CHCHD6: variants seen among roughly 807,000 people sequenced by gnomAD.
CHCHD6 encodes coiled-coil-helix-coiled-coil-helix domain containing 6.
In CHCHD6, 28 loss-of-function variants were observed where a neutral mutation model predicts 32.3. The observed-to-expected ratio is 0.87, with a 90% confidence interval of 0.64 to 1.19. CHCHD6 has a LOEUF of 1.19. Ranked by LOEUF, CHCHD6 falls within the 50% of genes most tolerant of loss-of-function variation. CHCHD6 has a pLI of 0.00. For synonymous variants in CHCHD6, 122 were observed against 117.5 expected, an observed-to-expected ratio of 1.04 and a Z score of -0.25; for missense variants, 333 against 307.0, an observed-to-expected ratio of 1.08 and a Z score of -0.63.
chr3:126,918,730 A>C (rs898199448), intron 6 of CHCHD6, among the ~76,000 whole-genome samples: 5 of 152,248 alleles, frequency 3.3e-5, no homozygotes, highest in Admixed American at 1.3e-4. Flanking sequence ...GGAAGCTCCA[A>C]GAAGTGAGCA....
In CHCHD6 at chr3:126,797,876, GGAA is replaced by G. The variant is rs910866030; in HGVS notation, c.412-54762_412-54760del. Among the ~76,000 whole-genome samples, 20 of 152,278 alleles carry G rather than the reference GGAA, an allele frequency of 1.3e-4. No individual in the cohort carries two copies. The East Asian group carries it at 1.4e-3, about 10-fold the overall frequency. On this transcript the variant is annotated intron_variant, in intron 4 of 7. Coordinates refer to ENST00000290913, the MANE Select transcript of CHCHD6 (RefSeq NM_032343.3). ...ATGGTGTGGTGTGTCTGCGTGAAAA[GGAA>G]GAAGAAGAGTAACAGGGCGCCTCCG... is the stretch of plus-strand genomic sequence containing the variant.
At chr3:126,923,711 C>A (rs1384553158) in intron 6 of CHCHD6, among the ~76,000 whole-genome samples, 1 of 152,250 alleles carries the variant, frequency 6.6e-6, no homozygotes, top group Non-Finnish European at 1.5e-5. Flanking sequence ...CTGAGACACA[C>A]TTCCCTTACT....
rs761931974 is a variant in CHCHD6 at position 126,957,515 on chromosome 3, C to A, written c.666C>A (p.Val222=). ...AGGTGCTGCTGTGCTCGGACCTGGT[C>A]AAGGCATACCAGCGCTGCGTGAGCG... is the stretch of plus-strand genomic sequence containing the variant. The part of the protein sequence containing the change: ...PHEVLLCSDL[V]KAYQRCVSAA... The change falls in exon 7 of 8, where the codon GTC becomes GTA. Residue 222 remains valine, a synonymous_variant. Transcript: ENST00000290913. 6.3e-7 allele frequency: 1 copy of A among 1,587,760 alleles called. No homozygotes were observed. The highest frequency in any genetic ancestry group is 8.6e-7 in the Non-Finnish European group (1 of 1,167,432).
chr3:126,714,276 AT>A (rs1282546863), intron 1 of CHCHD6, among the ~76,000 whole-genome samples: 13 of 151,940 alleles, frequency 8.6e-5, no homozygotes, highest in African/African-American at 3.1e-4. Flanking sequence ...TGCTTTATAA[AT>A]TTTATTTTTT....
At chr3:126,951,896 G>C (rs1001173742) in intron 6 of CHCHD6, among the ~76,000 whole-genome samples, 6 of 152,200 alleles carry the variant, frequency 3.9e-5, no homozygotes, top group African/African-American at 1.4e-4. Flanking sequence ...CTGAGATCTG[G>C]CCTTGCTTTT....
chr3:126,786,156 T>C (rs9881256), intron 4 of CHCHD6, among the ~76,000 whole-genome samples: 67,839 of 151,978 alleles, frequency 0.45, 16,410 homozygotes, highest in African/African-American at 0.64. Context: ...AGGACATGAA[T>C]TCATCATTTT....
intron 3 of CHCHD6, 96 bp downstream of exon 3, chr3:126,730,726 CT>C (rs1935759779): frequency 7.4e-6 from 7 of 951,226 alleles, no homozygotes; most frequent in Non-Finnish European, 1.1e-5. Flanking sequence ...GCCCTGGAGG[CT>C]TTGTCTCACA....
intron 1 of CHCHD6, 32 bp from the exon 2 acceptor site, chr3:126,727,046 C>T (rs555214847): frequency 6.6e-7 from 1 of 1,520,006 alleles, no homozygotes; most frequent in East Asian, 2.3e-5. Context: ...TGTGACATAA[C>T]TTTTTCTTTT....
At chr3:126,720,510 G>T (rs770349086) in intron 1 of CHCHD6, among the ~76,000 whole-genome samples, 2 of 152,222 alleles carry the variant, frequency 1.3e-5, no homozygotes, top group Non-Finnish European at 2.9e-5. Context: ...GGCCTGGTTT[G>T]TAGCACTGGC....
intron 4 of CHCHD6, among the ~76,000 whole-genome samples, chr3:126,799,058 T>C (rs1938937847): frequency 1.3e-5 from 2 of 152,336 alleles, no homozygotes; most frequent in South Asian, 2.1e-4. Flanking sequence ...TCCTGGACTT[T>C]TGCATTACCA....
intron 4 of CHCHD6, among the ~76,000 whole-genome samples, chr3:126,796,579 G>A (rs1938801258): frequency 1.3e-5 from 2 of 152,274 alleles, no homozygotes; most frequent in African/African-American, 2.4e-5. Context: ...ACACCATGGA[G>A]TATCAGTGTA....
intron 4 of CHCHD6, among the ~76,000 whole-genome samples, chr3:126,734,912 G>GGAA (rs1244008245): frequency 1.3e-5 from 2 of 152,194 alleles, no homozygotes; most frequent in African/African-American, 4.8e-5. Context: ...AACAGTCAAT[G>GGAA]GTTCCTGAAG....
At chr3:126,715,896 G>A (rs911602247) in intron 1 of CHCHD6, among the ~76,000 whole-genome samples, 2 of 152,142 alleles carry the variant, frequency 1.3e-5, no homozygotes, top group Admixed American at 6.5e-5. Flanking sequence ...ACGCTATTCC[G>A]TCCATTCCCT....
chr3:126,804,192 A>C (rs1939234888), intron 4 of CHCHD6, among the ~76,000 whole-genome samples: 1 of 152,216 alleles, frequency 6.6e-6, no homozygotes, highest in East Asian at 1.9e-4. Flanking sequence ...AAGCTAGCAG[A>C]AGGCAAGAAA....
intron 4 of CHCHD6, among the ~76,000 whole-genome samples, chr3:126,781,912 G>A (rs976278401): frequency 8.5e-5 from 13 of 152,146 alleles, no homozygotes; most frequent in Non-Finnish European, 1.6e-4. Context: ...GCAGTGAAGG[G>A]GAAAAGCCTC....
intron 4 of CHCHD6, among the ~76,000 whole-genome samples, chr3:126,816,862 C>G (rs1316118443): frequency 2.0e-5 from 3 of 152,264 alleles, no homozygotes; most frequent in South Asian, 2.1e-4. Context: ...TCCCTCCCCC[C>G]TCTTCCCACC....
rs149144625 is a variant in CHCHD6, at chr3:126,929,643, G to T, written c.566+14893G>T. ...TGCAGTGGCACAATCTCGGCTCACT[G>T]CATCCTCTGCCTCCTGGGTTCAAGC... On this transcript the variant is annotated intron_variant, in intron 6 of 7. Coordinates refer to ENST00000290913, the MANE Select transcript of CHCHD6 (RefSeq NM_032343.3). Among the ~76,000 whole-genome samples the T allele has an allele frequency of 9.8e-3, 1,490 of 152,036 alleles. 26 individuals carry two copies. The highest frequency in any genetic ancestry group is 0.034 in the African/African-American group (1,402 of 41,462).
chr3:126,864,866 CCAT>C (rs1271023643), intron 5 of CHCHD6, among the ~76,000 whole-genome samples: 7 of 145,606 alleles, frequency 4.8e-5, no homozygotes, highest in African/African-American at 1.8e-4. Context: ...TCCTCCTCCA[CCAT>C]CATCTCCTCC....
At chr3:126,710,375 G>T (rs906996693) in intron 1 of CHCHD6, among the ~76,000 whole-genome samples, 1 of 152,090 alleles carries the variant, frequency 6.6e-6, no homozygotes. Context: ...GACGTGTAAG[G>T]CCTCTAACTT....
Sources: allele counts gnomAD v4.1 joint callset (sites outside exome capture counted in the v4.1 genomes callset), GRCh38; gene constraint gnomAD v4.1.1; transcripts MANE v1.5; gene names NCBI Gene and HGNC (gene_info 2026-07-23, HGNC 2026-07-21).